GRID2: variants seen among roughly 807,000 people sequenced by gnomAD.
The protein encoded by GRID2 is glutamate ionotropic receptor delta type subunit 2.
In GRID2, 33 loss-of-function variants were observed where a neutral mutation model predicts 114.8. That is an observed-to-expected ratio of 0.29 (90% confidence interval 0.22 to 0.38). The LOEUF (loss-of-function observed/expected upper bound fraction) is 0.38. Ranked by LOEUF, GRID2 falls within the 10% of genes least tolerant of loss-of-function variation. The pLI, the probability that GRID2 is intolerant of heterozygous loss-of-function variation, is 1.00. For synonymous variants in GRID2, 505 were observed against 449.9 expected, an observed-to-expected ratio of 1.12 and a Z score of -1.55; for missense variants, 1,184 against 1,257.7, an observed-to-expected ratio of 0.94 and a Z score of 0.89.
intron 3 of GRID2, among the ~76,000 whole-genome samples, chr4:93,099,922 A>G (rs904883702): frequency 2.0e-5 from 3 of 151,882 alleles, no homozygotes; most frequent in Non-Finnish European, 4.4e-5. Context: ...GCAAATGTTT[A>G]TGATTACCCA....
intron 1 of GRID2, among the ~76,000 whole-genome samples, chr4:92,415,702 G>A (rs1308195572): frequency 1.4e-5 from 2 of 142,164 alleles, no homozygotes; most frequent in Non-Finnish European, 3.1e-5. Context: ...GTGTGTGCAT[G>A]CGCATGTATG....
chr4:92,728,838 G>A (rs557961289), intron 2 of GRID2, among the ~76,000 whole-genome samples: 205 of 151,364 alleles, frequency 1.4e-3, no homozygotes, highest in Non-Finnish European at 2.4e-3. Flanking sequence ...TTTATGCCAC[G>A]TGAAGATGAG....
intron 2 of GRID2, among the ~76,000 whole-genome samples, chr4:92,791,755 A>G (rs1295221046): frequency 2.0e-5 from 3 of 151,866 alleles, no homozygotes; most frequent in Non-Finnish European, 4.4e-5. Flanking sequence ...ATACCCTGAG[A>G]CAGCAGTAAC....
chr4:93,301,660 C>G (rs900353936), intron 8 of GRID2, among the ~76,000 whole-genome samples: 1 of 152,118 alleles, frequency 6.6e-6, no homozygotes, highest in African/African-American at 2.4e-5. Context: ...AAGTACCACA[C>G]AAGTTATTTT....
At chr4:93,161,024 C>A (rs1242661489) in intron 4 of GRID2, among the ~76,000 whole-genome samples, 1 of 151,812 alleles carries the variant, frequency 6.6e-6, no homozygotes, top group Non-Finnish European at 1.5e-5. Flanking sequence ...CAGTACTAGG[C>A]TCCATGTCAG....
intron 14 of GRID2, among the ~76,000 whole-genome samples, chr4:93,764,100 C>T (rs1198660470): frequency 3.3e-5 from 5 of 152,030 alleles, no homozygotes; most frequent in African/African-American, 1.2e-4. Flanking sequence ...GGTAAGGGAT[C>T]AAAAATTAGT....
At chr4:93,248,717 A>G (rs1748478905) in intron 8 of GRID2, among the ~76,000 whole-genome samples, 1 of 152,190 alleles carries the variant, frequency 6.6e-6, no homozygotes, top group South Asian at 2.1e-4. Context: ...TAGAAGTTTC[A>G]TAGTTCATTT....
In GRID2 at chr4:92,399,025, G is replaced by C. The variant is rs190787036; in HGVS notation, c.88+94281G>C. 8.8e-4 allele frequency among the ~76,000 whole-genome samples: 134 copies of C among 152,224 alleles called. 1 individual carries two copies. Among genetic ancestry groups the C allele is most frequent in the African/African-American group, 3.0e-3 (125 of 41,544 alleles). On this transcript the variant is annotated intron_variant, in intron 1 of 15. Coordinates refer to ENST00000282020, the MANE Select transcript of GRID2 (RefSeq NM_001510.4). ...TTTATTTTTTACATTTAAAGCTAGA[G>C]CTACAACTGGTTTAGTTAGAGACCA...
intron 10 of GRID2, among the ~76,000 whole-genome samples, chr4:93,432,915 A>G (rs1301969238): frequency 1.3e-5 from 2 of 152,088 alleles, no homozygotes. Context: ...TAAACATTAA[A>G]AAAAATTAGC....
At chr4:92,920,811 T>G (rs1749254929) in intron 2 of GRID2, among the ~76,000 whole-genome samples, 1 of 152,320 alleles carries the variant, frequency 6.6e-6, no homozygotes, top group Non-Finnish European at 1.5e-5. Context: ...TTGGTGAATC[T>G]GACAATTATG....
At chr4:93,465,634 A>T (rs1348268567) in intron 11 of GRID2, among the ~76,000 whole-genome samples, 2 of 152,146 alleles carry the variant, frequency 1.3e-5, no homozygotes, top group African/African-American at 4.8e-5. Flanking sequence ...CATTATAGTT[A>T]TTTTTTCCTC....
At chr4:93,627,539 A>G (rs1277808206) in intron 14 of GRID2, among the ~76,000 whole-genome samples, 5 of 152,328 alleles carry the variant, frequency 3.3e-5, no homozygotes, top group East Asian at 1.9e-4. Context: ...ACTCTAAAGT[A>G]TAAGTGATTT....
chr4:93,085,631 C>A (rs1223240193), intron 3 of GRID2, among the ~76,000 whole-genome samples: 2 of 152,096 alleles, frequency 1.3e-5, no homozygotes, highest in East Asian at 3.9e-4. Flanking sequence ...GTATACCTCT[C>A]TATAATGCAG....
At chr4:92,305,928 A>G (rs1400044640) in intron 1 of GRID2, among the ~76,000 whole-genome samples, 2 of 152,112 alleles carry the variant, frequency 1.3e-5, no homozygotes, top group East Asian at 3.9e-4. Flanking sequence ...CAGGACTTTT[A>G]TCTGTACGCA....
chr4:93,736,050 T>C (rs1730901780), intron 14 of GRID2, among the ~76,000 whole-genome samples: 1 of 151,996 alleles, frequency 6.6e-6, no homozygotes, highest in South Asian at 2.1e-4. Flanking sequence ...GTACCAAGAC[T>C]GTATTTCTGT....
intron 14 of GRID2, among the ~76,000 whole-genome samples, chr4:93,730,208 G>A (rs928524931): frequency 6.6e-6 from 1 of 152,162 alleles, no homozygotes; most frequent in African/African-American, 2.4e-5. Context: ...TCATAGGAGA[G>A]AATAAATCTC....
intron 14 of GRID2, among the ~76,000 whole-genome samples, chr4:93,700,204 T>C (rs890121206): frequency 2.0e-5 from 3 of 152,178 alleles, no homozygotes; most frequent in African/African-American, 7.2e-5. Flanking sequence ...ATGACTCTAA[T>C]ACAGAGCAGG....
At chr4:92,771,497 C>T (rs1312556895) in intron 2 of GRID2, among the ~76,000 whole-genome samples, 3 of 151,924 alleles carry the variant, frequency 2.0e-5, no homozygotes, top group Non-Finnish European at 4.4e-5. Context: ...GTATTTCATC[C>T]CTCTTTTGGT....
intron 2 of GRID2, among the ~76,000 whole-genome samples, chr4:92,788,852 T>A (rs1006519884): frequency 2.0e-5 from 3 of 151,806 alleles, no homozygotes; most frequent in African/African-American, 7.2e-5. Flanking sequence ...GTATGTTTTA[T>A]AATAAACTTT....
Sources: allele counts gnomAD v4.1 joint callset (sites outside exome capture counted in the v4.1 genomes callset), GRCh38; gene constraint gnomAD v4.1.1; transcripts MANE v1.5; gene names NCBI Gene and HGNC (gene_info 2026-07-23, HGNC 2026-07-21).